RIC8B: variants seen among roughly 807,000 people sequenced by gnomAD.
The protein encoded by RIC8B is chaperone Ric-8B.
In RIC8B, 16 loss-of-function variants were observed where a neutral mutation model predicts 57.5. The observed-to-expected ratio is 0.28, with a 90% confidence interval of 0.19 to 0.42. The LOEUF (loss-of-function observed/expected upper bound fraction) is 0.42, where lower values mean the gene tolerates loss of function less well. Ranked by LOEUF, RIC8B falls within the 10% of genes least tolerant of loss-of-function variation. The pLI, the probability that RIC8B is intolerant of heterozygous loss-of-function variation, is 1.00. For missense variants in RIC8B, 481 were observed against 677.0 expected, an observed-to-expected ratio of 0.71 and a Z score of 3.21; for synonymous variants, 216 against 250.8, an observed-to-expected ratio of 0.86 and a Z score of 1.31.
intron 7 of RIC8B, among the ~76,000 whole-genome samples, chr12:106,859,770 C>T (rs1161274759): frequency 6.6e-6 from 1 of 152,102 alleles, no homozygotes; most frequent in East Asian, 1.9e-4. Flanking sequence ...AGTAAGTTAT[C>T]ACCTATGCTA....
chr12:106,789,818 C>T (rs902529709), intron 2 of RIC8B, among the ~76,000 whole-genome samples: 12 of 151,980 alleles, frequency 7.9e-5, no homozygotes, highest in South Asian at 6.2e-4. Context: ...TTAGTAACAG[C>T]GGGACATTTT....
intron 2 of RIC8B, among the ~76,000 whole-genome samples, chr12:106,796,458 A>G (rs1449261614): frequency 6.6e-6 from 1 of 152,210 alleles, no homozygotes; most frequent in African/African-American, 2.4e-5. Flanking sequence ...AAATGTAGAT[A>G]TTAACAAATG....
In RIC8B at chr12:106,783,019, G is replaced by A. The variant is rs183641134; in HGVS notation, c.85-978G>A. Among the ~76,000 whole-genome samples, 10 of 152,208 alleles carry A rather than the reference G, an allele frequency of 6.6e-5. No homozygotes were observed. In the East Asian group the frequency reaches 1.7e-3, roughly 26 times the overall value. ...ATGAGGAATTCTGTGCTCTATTTTT[G>A]GGGTACCATTGTTCTTTCTGTGATC... On this transcript the variant is annotated intron_variant, in intron 1 of 9. Coordinates refer to ENST00000392837, the MANE Select transcript of RIC8B (RefSeq NM_001330145.2).
intron 6 of RIC8B, 82 bp from the exon 7 acceptor site, chr12:106,851,368 C>T: frequency 1.7e-6 from 1 of 605,884 alleles, no homozygotes; most frequent in South Asian, 1.7e-5. Context: ...GTAGACATTA[C>T]AAGACTGGCC....
intron 3 of RIC8B, among the ~76,000 whole-genome samples, chr12:106,823,975 G>A (rs896910445): frequency 6.6e-6 from 1 of 152,088 alleles, no homozygotes; most frequent in African/African-American, 2.4e-5. Flanking sequence ...CATGAACCAC[G>A]GCACCCGACT....
chr12:106,798,894 A>C (rs973254853), intron 2 of RIC8B, among the ~76,000 whole-genome samples: 1 of 152,124 alleles, frequency 6.6e-6, no homozygotes, highest in African/African-American at 2.4e-5. Flanking sequence ...GAAATTTAGC[A>C]TTTCTTATTC....
chr12:106,873,223 T>G, intron 9 of RIC8B: 1 of 977,192 alleles, frequency 1.0e-6, no homozygotes, highest in Non-Finnish European at 1.2e-6. Flanking sequence ...TGTCTTATGT[T>G]GGCTTTGATG....
At chr12:106,797,105 G>T (rs146131795) in intron 2 of RIC8B, among the ~76,000 whole-genome samples, 7 of 152,160 alleles carry the variant, frequency 4.6e-5, no homozygotes, top group Non-Finnish European at 1.0e-4. Flanking sequence ...CAGTCTGGTG[G>T]ATCCTCAAAA....
intron 4 of RIC8B, among the ~76,000 whole-genome samples, chr12:106,827,394 T>C (rs1751506799): frequency 6.6e-6 from 1 of 152,218 alleles, no homozygotes; most frequent in African/African-American, 2.4e-5. Context: ...AAATTCCTTT[T>C]TGAACACTTA....
intron 8 of RIC8B, among the ~76,000 whole-genome samples, chr12:106,863,543 AATTT>A (rs1439615854): frequency 2.0e-5 from 3 of 151,900 alleles, no homozygotes; most frequent in African/African-American, 7.2e-5. Context: ...GGGCTTTATA[AATTT>A]ATTTATTTTT....
chr12:106,871,511 C>A (rs1297655720), intron 9 of RIC8B: 1 of 145,072 alleles, frequency 6.9e-6, no homozygotes, highest in African/African-American at 2.6e-5. Flanking sequence ...AAAAAACTCC[C>A]CTTCCCCTCT....
chr12:106,844,052 G>A (rs1949078048), intron 6 of RIC8B, 105 bp downstream of exon 6: 1 of 821,554 alleles, frequency 1.2e-6, no homozygotes. Context: ...CAGATAATCA[G>A]AAACTCAGTC....
chr12:106,852,409 C>A (rs1395384505), intron 7 of RIC8B, among the ~76,000 whole-genome samples: 1 of 152,138 alleles, frequency 6.6e-6, no homozygotes, highest in Non-Finnish European at 1.5e-5. Flanking sequence ...TGGAAAAGTT[C>A]ACTCCTCCTA....
intron 9 of RIC8B, among the ~76,000 whole-genome samples, chr12:106,881,537 C>G (rs1374543827): frequency 6.6e-6 from 1 of 151,988 alleles, no homozygotes; most frequent in African/African-American, 2.4e-5. Context: ...TGGTCAGCAT[C>G]CCTGTCTCCT....
intron 9 of RIC8B, among the ~76,000 whole-genome samples, chr12:106,881,773 G>A (rs927444677): frequency 2.0e-5 from 3 of 152,036 alleles, no homozygotes; most frequent in African/African-American, 7.2e-5. Flanking sequence ...TGATATTTGT[G>A]GGCCACTAGT....
At chr12:106,781,760 G>A (rs191996278) in intron 1 of RIC8B, among the ~76,000 whole-genome samples, 2 of 152,138 alleles carry the variant, frequency 1.3e-5, no homozygotes, top group East Asian at 3.9e-4. Flanking sequence ...TAGAAGAAAC[G>A]TTATATTAAC....
chr12:106,816,703 A>G (rs1421444733), intron 3 of RIC8B, among the ~76,000 whole-genome samples: 1 of 152,106 alleles, frequency 6.6e-6, no homozygotes, highest in African/African-American at 2.4e-5. Context: ...GATTCCTGAC[A>G]AAAAAGGGTT....
At chr12:106,870,022 GT>G (rs1950330597) in intron 8 of RIC8B, among the ~76,000 whole-genome samples, 4 of 150,474 alleles carry the variant, frequency 2.7e-5, no homozygotes, top group Admixed American at 2.7e-4. Flanking sequence ...CCAGAAAAAT[GT>G]TTGTTGTGGA....
intron 7 of RIC8B, among the ~76,000 whole-genome samples, chr12:106,854,780 T>C (rs1177767600): frequency 1.3e-5 from 2 of 151,794 alleles, no homozygotes; most frequent in Non-Finnish European, 1.5e-5. Context: ...AGAGCAAGAC[T>C]CCGTCTCAAA....
Sources: allele counts gnomAD v4.1 joint callset (sites outside exome capture counted in the v4.1 genomes callset), GRCh38; gene constraint gnomAD v4.1.1; transcripts MANE v1.5; gene names NCBI Gene and HGNC (gene_info 2026-07-23, HGNC 2026-07-21).